Variants in OPCML observed in about 807,000 individuals in gnomAD.
OPCML encodes opioid-binding protein/cell adhesion molecule.
OPCML carries 13 observed loss-of-function variants against 37.8 expected under a neutral mutation model. That is an observed-to-expected ratio of 0.34 (90% confidence interval 0.22 to 0.55). OPCML has a LOEUF of 0.55. Ranked by LOEUF, OPCML falls within the 20% of genes least tolerant of loss-of-function variation. The pLI is 0.91. For synonymous variants in OPCML, 176 were observed against 168.8 expected, an observed-to-expected ratio of 1.04 and a Z score of -0.33; for missense variants, 341 against 435.6, an observed-to-expected ratio of 0.78 and a Z score of 1.93.
At chr11:132,543,322 G>C (rs1412175249) in intron 3 of OPCML, among the ~76,000 whole-genome samples, 3 of 151,998 alleles carry the variant, frequency 2.0e-5, no homozygotes, top group Non-Finnish European at 4.4e-5. Context: ...GACCAGCCTG[G>C]GCAATGTAGC....
At chr11:133,233,393 A>G (rs1206333412) in intron 1 of OPCML, among the ~76,000 whole-genome samples, 1 of 152,134 alleles carries the variant, frequency 6.6e-6, no homozygotes, top group Non-Finnish European at 1.5e-5. Flanking sequence ...AGGGCATAAG[A>G]GAAAGGTGCC....
intron 1 of OPCML, among the ~76,000 whole-genome samples, chr11:133,374,706 T>A (rs1944759786): frequency 6.6e-6 from 1 of 152,184 alleles, no homozygotes; most frequent in Admixed American, 6.5e-5. Flanking sequence ...TAAGGCACAG[T>A]TCCAATCAAA....
chr11:133,191,495 G>C (rs1466563536), intron 1 of OPCML, among the ~76,000 whole-genome samples: 1 of 116,500 alleles, frequency 8.6e-6, no homozygotes, highest in Non-Finnish European at 1.8e-5. Context: ...TTTCTTTTCT[G>C]TGTGTGTGGG....
At position 132,415,566 on chromosome 11, in the gene OPCML, C is replaced by G. The variant is rs576107364; in HGVS notation, c.*4627G>C. 6.6e-6 allele frequency: 1 copy of G among 152,318 alleles called. No individual in the cohort carries two copies. The highest frequency in any genetic ancestry group is 2.1e-4 in the South Asian group (1 of 4,830). The allele number at this position is 152,318 out of a possible 1,614,324, so 9.4% of individuals were successfully genotyped here. The stretch of plus-strand genomic sequence containing the variant: ...GGATGGTCGAGGGTTCGCAATCTTT[C>G]TTTCTCCACCCAGTGGTGTGGAGCA... On this transcript the variant is annotated 3_prime_UTR_variant, in exon 8 of 8. Transcript: ENST00000524381.
chr11:132,630,651 A>G (rs1591645934), intron 3 of OPCML, among the ~76,000 whole-genome samples: 1 of 152,164 alleles, frequency 6.6e-6, no homozygotes, highest in African/African-American at 2.4e-5. Flanking sequence ...ATGCAGAGCA[A>G]TCGTGATTCT....
chr11:133,450,775 A>G (rs1450465209), intron 1 of OPCML, among the ~76,000 whole-genome samples: 2 of 151,614 alleles, frequency 1.3e-5, no homozygotes, highest in Non-Finnish European at 2.9e-5. Context: ...TATTGGAGTG[A>G]CAGTTATTGT....
At chr11:132,821,021 G>A (rs976889257) in intron 2 of OPCML, among the ~76,000 whole-genome samples, 1 of 152,194 alleles carries the variant, frequency 6.6e-6, no homozygotes. Context: ...ATGTACCATA[G>A]ACAGAGTCCT....
At chr11:132,848,002 G>A (rs1264313869) in intron 2 of OPCML, among the ~76,000 whole-genome samples, 1 of 152,180 alleles carries the variant, frequency 6.6e-6, no homozygotes, top group Non-Finnish European at 1.5e-5. Flanking sequence ...GAGACACAGG[G>A]CAGATTGCCC....
Position 133,286,448 on chromosome 11 carries a change from G to A in OPCML, c.61+245816C>T, listed in dbSNP as rs1942301628. ...TCGCGCCACTGCACTCCAGCCTGGCGACAGAGCGAGACTGTGTCTCACAAA... is the reference window on the plus strand; with the variant it reads ...TCGCGCCACTGCACTCCAGCCTGGCAACAGAGCGAGACTGTGTCTCACAAA... On this transcript the variant is annotated intron_variant, in intron 1 of 7. Coordinates refer to ENST00000524381, the MANE Select transcript of OPCML (RefSeq NM_001012393.5). 6.5e-5 allele frequency among the ~76,000 whole-genome samples: 7 copies of A among 107,862 alleles called. 1 individual carries two copies. The South Asian group carries it at 2.2e-3, about 34-fold the overall frequency. The allele number at this position is 107,862 out of a possible 152,430, so 70.8% of individuals were successfully genotyped here.
chr11:133,056,339 T>C (rs1948238668), intron 1 of OPCML, among the ~76,000 whole-genome samples: 2 of 152,176 alleles, frequency 1.3e-5, no homozygotes, highest in Admixed American at 6.5e-5. Flanking sequence ...AATGATTAGC[T>C]TCATAAACAT....
At chr11:133,170,857 C>G (rs542825778) in intron 1 of OPCML, among the ~76,000 whole-genome samples, 2 of 152,160 alleles carry the variant, frequency 1.3e-5, no homozygotes, top group South Asian at 4.1e-4. Flanking sequence ...CTTGTCCCCC[C>G]AAAAGCACAA....
At chr11:132,963,709 G>T (rs567774096) in intron 1 of OPCML, among the ~76,000 whole-genome samples, 1 of 152,066 alleles carries the variant, frequency 6.6e-6, no homozygotes, top group South Asian at 2.1e-4. Context: ...CCAGGGTCTA[G>T]GTTGTCAGCA....
chr11:133,227,666 C>T (rs1176366406), intron 1 of OPCML, among the ~76,000 whole-genome samples: 1 of 152,198 alleles, frequency 6.6e-6, no homozygotes, highest in Non-Finnish European at 1.5e-5. Flanking sequence ...CATTCTCCCC[C>T]TCAGGCTGGA....
chr11:133,516,130 G>C (rs1948265610), intron 1 of OPCML, among the ~76,000 whole-genome samples: 1 of 152,146 alleles, frequency 6.6e-6, no homozygotes. Context: ...CTTGGGGACT[G>C]CGACCCCCGC....
intron 1 of OPCML, among the ~76,000 whole-genome samples, chr11:133,141,095 G>A (rs73023508): frequency 0.63 from 8,008 of 12,784 alleles, 3,536 homozygotes; most frequent in East Asian, 0.99. Flanking sequence ...GAAGAAGAAG[G>A]AGAAGAAGAA....
intron 1 of OPCML, among the ~76,000 whole-genome samples, chr11:133,260,112 T>C (rs2136454283): frequency 6.6e-6 from 1 of 151,700 alleles, no homozygotes; most frequent in East Asian, 1.9e-4. Context: ...TAGTGAGTCC[T>C]GTGGCTCTCG....
At chr11:132,820,120 A>C (rs1466712450) in intron 2 of OPCML, among the ~76,000 whole-genome samples, 2 of 152,152 alleles carry the variant, frequency 1.3e-5, no homozygotes, top group Non-Finnish European at 2.9e-5. Flanking sequence ...ACCAGAAAGG[A>C]AGAAAAGAAA....
At chr11:132,724,767 G>A (rs1379916501) in intron 2 of OPCML, among the ~76,000 whole-genome samples, 1 of 152,180 alleles carries the variant, frequency 6.6e-6, no homozygotes, top group Admixed American at 6.5e-5. Flanking sequence ...GGTAAATACA[G>A]CCATTCCAAA....
chr11:132,746,721 C>T (rs930500737), intron 2 of OPCML, among the ~76,000 whole-genome samples: 3 of 152,168 alleles, frequency 2.0e-5, no homozygotes, highest in East Asian at 1.9e-4. Context: ...GATTTCATAA[C>T]GTAGCATCAC....
Sources: gnomAD v4.1 joint callset for allele counts (sites outside exome capture counted in the v4.1 genomes callset) on GRCh38, gnomAD v4.1.1 for gene constraint, MANE v1.5 for transcripts, NCBI Gene and HGNC (gene_info 2026-07-23, HGNC 2026-07-21) for gene names.